The following USP53 variants were observed in gnomAD, a reference collection of about 807,000 sequenced individuals.
The protein encoded by USP53 is ubiquitin carboxyl-terminal hydrolase 53.
In USP53, 71 loss-of-function variants were observed where a neutral mutation model predicts 94.9. That is an observed-to-expected ratio of 0.75 (90% CI 0.62 to 0.91). USP53 has a LOEUF of 0.91. USP53 is among the 40% of genes least tolerant of loss of function. USP53 has a pLI of 0.00. For synonymous variants in USP53, 375 were observed against 422.7 expected (o/e 0.89, Z 1.39); for missense variants, 1,173 against 1,281.0 (o/e 0.92, Z 1.29).
At chr4:119,288,257 A>C (rs13116504) in intron 17 of USP53, among the ~76,000 whole-genome samples, 44,898 of 152,110 alleles carry the variant, frequency 0.3, 6,747 homozygotes, top group East Asian at 0.38. Flanking sequence ...AATGAAAATT[A>C]ACTATTGAAA....
chr4:119,254,682 G>A (rs937046454), intron 7 of USP53, among the ~76,000 whole-genome samples: 10 of 152,074 alleles, frequency 6.6e-5, no homozygotes, highest in African/African-American at 2.2e-4. Flanking sequence ...CCTTTAGCTC[G>A]GAGAAGTTTG....
intron 2 of USP53, among the ~76,000 whole-genome samples, chr4:119,216,663 A>C (rs1316725386): frequency 6.6e-6 from 1 of 152,218 alleles, no homozygotes; most frequent in Non-Finnish European, 1.5e-5. Flanking sequence ...TATGCTAGAT[A>C]TTCTTAAACT....
In USP53 at chr4:119,271,593, A is replaced by G. The variant is rs1417007792; in HGVS notation, c.1733A>G (p.Lys578Arg). The G allele has an allele frequency of 6.2e-7, 1 of 1,613,716 alleles. No individual in the cohort carries two copies. The highest frequency in any genetic ancestry group is 8.5e-7 in the Non-Finnish European group (1 of 1,180,044). ...GGAAACAGCTGTGATAGCAGCAGTAAAAGCCGGAACCGAGGTTGGAAACCT... is the reference window on the plus strand; with the variant it reads ...GGAAACAGCTGTGATAGCAGCAGTAGAAGCCGGAACCGAGGTTGGAAACCT... Reference protein sequence around the residue: ...DRGNSCDSSSKSRNRGWKPMR... With the variant: ...DRGNSCDSSSRSRNRGWKPMR... The change falls in exon 16 of 19, where the codon AAA becomes AGA. Residue 578 changes from lysine to arginine, a missense_variant. Physicochemically the swap from Lys to Arg is conservative, Grantham distance 26. Transcript: ENST00000692078.
At chr4:119,291,068 A>G in intron 17 of USP53, 97 bp from the exon 18 acceptor site, 1 of 585,904 alleles carries the variant, frequency 1.7e-6, no homozygotes. Flanking sequence ...AGAAAGCTTT[A>G]TGTAAATATA....
chr4:119,216,621 CCAAA>C (rs1743802360), intron 2 of USP53, among the ~76,000 whole-genome samples: 1 of 151,990 alleles, frequency 6.6e-6, no homozygotes, highest in East Asian at 1.9e-4. Flanking sequence ...TGAAGTATTC[CCAAA>C]CATTCATTTT....
chr4:119,215,657 T>C (rs1217019530), intron 2 of USP53, among the ~76,000 whole-genome samples: 1 of 152,162 alleles, frequency 6.6e-6, no homozygotes, highest in Non-Finnish European at 1.5e-5. Context: ...AATTTTATTT[T>C]GTTCATTTAC....
At chr4:119,269,631 A>G in intron 14 of USP53, 60 bp from the exon 15 acceptor site, 1 of 1,185,186 alleles carries the variant, frequency 8.4e-7, no homozygotes, top group East Asian at 2.9e-5. Flanking sequence ...ATCAATTTTT[A>G]TTTTTATTGG....
At position 119,292,461 on chromosome 4, in the gene USP53, A is replaced by G; in HGVS notation, c.2472A>G (p.Glu824=). 1 of 1,613,982 alleles carries G rather than the reference A, an allele frequency of 6.2e-7. No homozygotes were observed. Among genetic ancestry groups the G allele is most frequent in the Non-Finnish European group, 8.5e-7 (1 of 1,179,912 alleles). The change falls in exon 19 of 19, where the codon GAA becomes GAG. Residue 824 remains glutamate (E), a synonymous_variant. Coordinates refer to ENST00000692078, the MANE Select transcript of USP53 (RefSeq NM_001371395.1). ...AACAGAAACTTGAAAAACCGAATGA[A>G]TGCAAATTTTCTGAGTGGCTTAATA... ...SDEQKLEKPN[E]CKFSEWLNIE...
intron 4 of USP53, among the ~76,000 whole-genome samples, chr4:119,238,500 A>G (rs1747089039): frequency 6.6e-6 from 1 of 152,206 alleles, no homozygotes; most frequent in Non-Finnish European, 1.5e-5. Context: ...ATAACTTATC[A>G]CAGATCAGCA....
chr4:119,216,664 T>G (rs68128210), intron 2 of USP53, among the ~76,000 whole-genome samples: 40,757 of 152,104 alleles, frequency 0.27, 5,973 homozygotes, highest in East Asian at 0.52. Context: ...ATGCTAGATA[T>G]TCTTAAACTA....
At chr4:119,282,348 G>A (rs897700811) in intron 17 of USP53, among the ~76,000 whole-genome samples, 1 of 151,940 alleles carries the variant, frequency 6.6e-6, no homozygotes, top group Non-Finnish European at 1.5e-5. Flanking sequence ...TGCAGTTGCT[G>A]GGTCCTGTGG....
intron 12 of USP53, among the ~76,000 whole-genome samples, chr4:119,265,749 C>T (rs1184738694): frequency 6.6e-6 from 1 of 152,186 alleles, no homozygotes; most frequent in Non-Finnish European, 1.5e-5. Flanking sequence ...GGAGGGTAAA[C>T]AGCTGAATAT....
intron 14 of USP53, among the ~76,000 whole-genome samples, chr4:119,269,459 T>A (rs1371226301): frequency 3.3e-5 from 5 of 152,212 alleles, no homozygotes; most frequent in Admixed American, 2.6e-4. Context: ...TCTTTCTTTT[T>A]TTATACTTGT....
intron 9 of USP53, among the ~76,000 whole-genome samples, chr4:119,259,542 C>T (rs1416772233): frequency 2.0e-5 from 3 of 152,124 alleles, no homozygotes; most frequent in African/African-American, 2.4e-5. Flanking sequence ...CTTAGAATTA[C>T]CTCCAGACAG....
At chr4:119,278,327 C>T (rs1752943942) in intron 17 of USP53, among the ~76,000 whole-genome samples, 1 of 151,916 alleles carries the variant, frequency 6.6e-6, no homozygotes, top group Non-Finnish European at 1.5e-5. Context: ...ATTTGCTTGT[C>T]TGTGAAGTAT....
chr4:119,240,922 C>T (rs1384270089), intron 5 of USP53, among the ~76,000 whole-genome samples: 1 of 152,134 alleles, frequency 6.6e-6, no homozygotes, highest in Non-Finnish European at 1.5e-5. Flanking sequence ...ACTGACATTA[C>T]TGTGACAAAT....
intron 7 of USP53, among the ~76,000 whole-genome samples, chr4:119,255,394 C>G (rs1352811800): frequency 6.6e-6 from 1 of 152,180 alleles, no homozygotes; most frequent in East Asian, 1.9e-4. Context: ...CCAGTTCAAG[C>G]TTCCCTGCTG....
intron 12 of USP53, among the ~76,000 whole-genome samples, chr4:119,265,433 C>A (rs941675590): frequency 2.6e-5 from 4 of 152,200 alleles, no homozygotes; most frequent in Admixed American, 1.3e-4. Flanking sequence ...GTATTAATCA[C>A]CCTGTGAAGT....
At chr4:119,245,061 A>C (rs1430327320) in intron 5 of USP53, among the ~76,000 whole-genome samples, 4 of 152,158 alleles carry the variant, frequency 2.6e-5, no homozygotes, top group Non-Finnish European at 4.4e-5. Flanking sequence ...ATCCTTAATG[A>C]GGAGTTGGTT....
Sources: allele counts gnomAD v4.1 joint callset (sites outside exome capture counted in the v4.1 genomes callset), GRCh38; gene constraint gnomAD v4.1.1; transcripts MANE v1.5; gene names NCBI Gene and HGNC (gene_info 2026-07-23, HGNC 2026-07-21).